PIP5K1B: variants seen among roughly 807,000 people sequenced by gnomAD.
PIP5K1B encodes phosphatidylinositol-4-phosphate 5-kinase type 1 beta, also known as phosphatidylinositol 4-phosphate 5-kinase type-1 beta.
Under a neutral mutation model 67.0 loss-of-function variants are expected in PIP5K1B, and 42 were observed. That is an observed-to-expected ratio of 0.63 (90% CI 0.49 to 0.81). The LOEUF (loss-of-function observed/expected upper bound fraction) is 0.81, where lower values mean the gene tolerates loss of function less well. PIP5K1B is among the 30% of genes least tolerant of loss of function. The pLI, the probability that PIP5K1B is intolerant of heterozygous loss-of-function variation, is 0.00. For missense variants in PIP5K1B, 459 were observed against 646.3 expected, an observed-to-expected ratio of 0.71 and a Z score of 3.14; for synonymous variants, 214 against 231.4, an observed-to-expected ratio of 0.92 and a Z score of 0.68.
At chr9:68,748,619 T>C (rs988503433) in intron 2 of PIP5K1B, among the ~76,000 whole-genome samples, 9 of 101,418 alleles carry the variant, frequency 8.9e-5, no homozygotes, top group Admixed American at 1.1e-4. Flanking sequence ...TTTTCTTTTT[T>C]TTTTTTTTTT....
At chr9:68,842,920 C>T (rs996649831) in intron 4 of PIP5K1B, among the ~76,000 whole-genome samples, 1 of 152,168 alleles carries the variant, frequency 6.6e-6, no homozygotes, top group African/African-American at 2.4e-5. Flanking sequence ...ATAAACATAC[C>T]TGGTATAGTC....
At position 68,772,521 on chromosome 9, in the gene PIP5K1B, A is replaced by G. The variant is rs59031138; in HGVS notation, c.-86+29864A>G. ...GTAGCTGCTACTGTTGGGGATTAACAAATGGCTTGCTGCAGGGAATAGTAT... is the reference window on the plus strand; with the variant it reads ...GTAGCTGCTACTGTTGGGGATTAACGAATGGCTTGCTGCAGGGAATAGTAT... On this transcript the variant is annotated intron_variant, in intron 2 of 15. Coordinates refer to ENST00000265382, the MANE Select transcript of PIP5K1B (RefSeq NM_003558.4). Among the ~76,000 whole-genome samples, 1,922 of 152,336 alleles carry G rather than the reference A, an allele frequency of 0.013. 104 individuals carry two copies. The East Asian group carries it at 0.17, about 13-fold the overall frequency.
chr9:68,831,464 A>C (rs947244299), intron 4 of PIP5K1B, among the ~76,000 whole-genome samples: 1 of 152,326 alleles, frequency 6.6e-6, no homozygotes, highest in South Asian at 2.1e-4. Context: ...GCATAAAGCA[A>C]GTATGTGGCA....
intron 15 of PIP5K1B, among the ~76,000 whole-genome samples, chr9:69,007,619 A>G (rs1174614909): frequency 6.6e-6 from 1 of 152,206 alleles, no homozygotes; most frequent in Non-Finnish European, 1.5e-5. Flanking sequence ...GCACTTTGGG[A>G]GGCCAAGGTG....
rs1822849410 is a variant in PIP5K1B at position 68,857,720 on chromosome 9, A to G, written c.70-6117A>G. Among the ~76,000 whole-genome samples, 5 of 152,152 alleles carry G rather than the reference A, an allele frequency of 3.3e-5. No individual in the cohort carries two copies. In the South Asian group the frequency reaches 1.0e-3, roughly 31 times the overall value. ...ATCCCAACAAAAAATTGAAAAGATT[A>G]GCCAGGCATGGTAGCATACACCTGA... On this transcript the variant is annotated intron_variant, in intron 4 of 15. Transcript: ENST00000265382.
At chr9:68,807,239 C>T (rs1195456280) in intron 2 of PIP5K1B, among the ~76,000 whole-genome samples, 1 of 152,160 alleles carries the variant, frequency 6.6e-6, no homozygotes, top group Non-Finnish European at 1.5e-5. Flanking sequence ...AAGAATAGAT[C>T]TTAAGTGGTC....
At chr9:68,821,314 G>A (rs1469133166) in intron 3 of PIP5K1B, among the ~76,000 whole-genome samples, 1 of 152,138 alleles carries the variant, frequency 6.6e-6, no homozygotes, top group East Asian at 1.9e-4. Flanking sequence ...CACTTGGCAA[G>A]CAATTAATGA....
intron 14 of PIP5K1B, among the ~76,000 whole-genome samples, chr9:68,947,709 A>G (rs755969575): frequency 1.3e-5 from 2 of 152,262 alleles, no homozygotes; most frequent in Non-Finnish European, 2.9e-5. Flanking sequence ...TGCCATTGTA[A>G]TAGTACTATG....
chr9:68,706,442 G>T (rs1313663005), intron 1 of PIP5K1B, among the ~76,000 whole-genome samples: 2 of 152,206 alleles, frequency 1.3e-5, no homozygotes, highest in African/African-American at 4.8e-5. Flanking sequence ...CTATGCAGAT[G>T]AGCGTGTTGT....
intron 13 of PIP5K1B, among the ~76,000 whole-genome samples, chr9:68,937,776 A>G (rs1390276680): frequency 6.6e-6 from 1 of 152,132 alleles, no homozygotes; most frequent in Non-Finnish European, 1.5e-5. Flanking sequence ...ACTGCTTTAC[A>G]TGTGTCCCAG....
chr9:68,829,299 G>C (rs757515466), intron 4 of PIP5K1B, among the ~76,000 whole-genome samples: 2 of 152,108 alleles, frequency 1.3e-5, no homozygotes, highest in Non-Finnish European at 2.9e-5. Context: ...AAGCAAACTC[G>C]TTTGTGCTAA....
At chr9:68,897,499 G>A (rs1273425265) in intron 8 of PIP5K1B, among the ~76,000 whole-genome samples, 1 of 152,182 alleles carries the variant, frequency 6.6e-6, no homozygotes, top group Non-Finnish European at 1.5e-5. Context: ...CATATTTCTA[G>A]GATAAGAGAA....
At chr9:68,766,983 GC>G (rs916355789) in intron 2 of PIP5K1B, among the ~76,000 whole-genome samples, 4 of 152,094 alleles carry the variant, frequency 2.6e-5, no homozygotes, top group African/African-American at 4.8e-5. Context: ...CCCCCAGATA[GC>G]CCAAGTAAAT....
chr9:68,740,872 G>A (rs1828972393), intron 1 of PIP5K1B, among the ~76,000 whole-genome samples: 1 of 152,150 alleles, frequency 6.6e-6, no homozygotes, highest in South Asian at 2.1e-4. Context: ...AGTTATCCCC[G>A]AGTTGGAAGA....
At chr9:68,843,892 G>A (rs1298714252) in intron 4 of PIP5K1B, among the ~76,000 whole-genome samples, 1 of 152,158 alleles carries the variant, frequency 6.6e-6, no homozygotes, top group African/African-American at 2.4e-5. Context: ...GCACAGACAC[G>A]GGCCCTGCCA....
intron 5 of PIP5K1B, among the ~76,000 whole-genome samples, chr9:68,869,715 C>T (rs563613606): frequency 1.4e-4 from 21 of 152,140 alleles, no homozygotes; most frequent in Non-Finnish European, 2.4e-4. Flanking sequence ...CAGTGGCTCA[C>T]GCCCGTAATC....
intron 1 of PIP5K1B, among the ~76,000 whole-genome samples, chr9:68,725,355 A>C (rs1281441428): frequency 6.6e-6 from 1 of 152,164 alleles, no homozygotes; most frequent in Admixed American, 6.5e-5. Context: ...TTTCTCATCT[A>C]TGGAATGAAA....
At chr9:68,831,330 C>T (rs894000824) in intron 4 of PIP5K1B, among the ~76,000 whole-genome samples, 17 of 152,152 alleles carry the variant, frequency 1.1e-4, no homozygotes, top group Non-Finnish European at 2.1e-4. Context: ...AGTGCATGCC[C>T]GCTATCATTC....
intron 11 of PIP5K1B, among the ~76,000 whole-genome samples, chr9:68,922,855 A>G (rs1011383692): frequency 3.9e-5 from 6 of 152,174 alleles, no homozygotes; most frequent in Non-Finnish European, 8.8e-5. Context: ...TTTTAACTTA[A>G]ACGTCAATGT....
Sources: gnomAD v4.1 joint callset for allele counts (sites outside exome capture counted in the v4.1 genomes callset) on GRCh38, gnomAD v4.1.1 for gene constraint, MANE v1.5 for transcripts, NCBI Gene and HGNC (gene_info 2026-07-23, HGNC 2026-07-21) for gene names.